The following KIAA0586 variants were observed in gnomAD, a reference collection of about 807,000 sequenced individuals.
KIAA0586 encodes the protein protein TALPID3.
In KIAA0586, 144 loss-of-function variants were observed where a neutral mutation model predicts 169.8. The observed-to-expected ratio is 0.85, with a 90% CI of 0.74 to 0.97. The LOEUF (loss-of-function observed/expected upper bound fraction) is 0.97. Ranked by LOEUF, KIAA0586 falls within the 50% of genes least tolerant of loss-of-function variation. KIAA0586 has a pLI of 0.00. For synonymous variants in KIAA0586, 625 were observed against 612.4 expected (o/e 1.02, Z -0.30); for missense variants, 1,854 against 1,823.0 (o/e 1.02, Z -0.31).
intron 29 of KIAA0586, among the ~76,000 whole-genome samples, chr14:58,516,289 A>G (rs1266026494): frequency 6.6e-6 from 1 of 152,148 alleles, no homozygotes; most frequent in Non-Finnish European, 1.5e-5. Flanking sequence ...GAAAGACAGG[A>G]TGCCCCACTT....
chr14:58,457,721 G>A (rs372376239), intron 10 of KIAA0586, 38 bp from the exon 11 acceptor site: 2 of 1,315,530 alleles, frequency 1.5e-6, no homozygotes, highest in Non-Finnish European at 2.1e-6. Context: ...AGGAATCGTT[G>A]TGAGTTTAGT....
chr14:58,482,107 C>T (rs962017273), intron 20 of KIAA0586, among the ~76,000 whole-genome samples: 3 of 151,886 alleles, frequency 2.0e-5, no homozygotes, highest in Non-Finnish European at 4.4e-5. Context: ...CCACCGTGCC[C>T]GGCCGGCATC....
chr14:58,524,852 A>T (rs546530489), intron 29 of KIAA0586, among the ~76,000 whole-genome samples: 8 of 152,260 alleles, frequency 5.3e-5, no homozygotes, highest in Admixed American at 4.6e-4. Flanking sequence ...AGTAGCTGGG[A>T]CTGCAGGTGC....
chr14:58,528,543 A>G (rs1301727173), intron 29 of KIAA0586, among the ~76,000 whole-genome samples: 2 of 152,252 alleles, frequency 1.3e-5, no homozygotes, highest in African/African-American at 4.8e-5. Flanking sequence ...ACTCAGGATT[A>G]ACAAACTCAC....
At position 58,488,105 on chromosome 14, in the gene KIAA0586, G is replaced by A. The variant is rs756274244; in HGVS notation, c.3523G>A (p.Ala1175Thr). ...NSPQEELHPR[A>T]IVMSVAKDEE... ...ACCTCAAGAAGAACTTCATCCAAGA[G>A]CTATGTAAATGAGAACATACTCACT... Residue 1175 changes from alanine to threonine, a missense_variant, in exon 23 of 31, where the codon GCT becomes ACT. Transcript: ENST00000652326. The A allele has an allele frequency of 3.8e-6, 6 of 1,589,234 alleles. No individual in the cohort carries two copies. The highest frequency in any genetic ancestry group is 4.3e-6 in the Non-Finnish European group (5 of 1,166,782).
intron 27 of KIAA0586, among the ~76,000 whole-genome samples, chr14:58,506,664 G>A (rs2043968951): frequency 6.6e-6 from 1 of 150,430 alleles, no homozygotes; most frequent in Non-Finnish European, 1.5e-5. Flanking sequence ...TCCAGCCTGG[G>A]TGAGTGAGTC....
intron 13 of KIAA0586, among the ~76,000 whole-genome samples, chr14:58,460,474 T>C (rs1348965809): frequency 6.6e-6 from 1 of 152,062 alleles, no homozygotes; most frequent in Non-Finnish European, 1.5e-5. Context: ...TACTAGATGG[T>C]ATGGAGGAAA....
chr14:58,544,098 T>G, intron 30 of KIAA0586: 1 of 295,356 alleles, frequency 3.4e-6, no homozygotes, highest in South Asian at 3.0e-5. Flanking sequence ...TAGTTCCCAC[T>G]TATAAGTGAG....
chr14:58,474,825 T>C (rs985101060), intron 19 of KIAA0586, 28 bp downstream of exon 19: 43 of 1,423,524 alleles, frequency 3.0e-5, no homozygotes, highest in Non-Finnish European at 4.1e-5. Context: ...TTGGTATGAA[T>C]AGAACCATAG....
At chr14:58,530,105 A>G (rs1219380929) in intron 29 of KIAA0586, among the ~76,000 whole-genome samples, 2 of 152,220 alleles carry the variant, frequency 1.3e-5, no homozygotes, top group African/African-American at 4.8e-5. Flanking sequence ...ACTGCTATAA[A>G]GAGAATAAGA....
intron 18 of KIAA0586, among the ~76,000 whole-genome samples, chr14:58,473,152 T>G (rs1399586371): frequency 6.6e-6 from 1 of 151,834 alleles, no homozygotes; most frequent in Non-Finnish European, 1.5e-5. Flanking sequence ...TGGACTTCAT[T>G]TTTCAATGGA....
At chr14:58,448,249 A>G (rs2039068613) in intron 6 of KIAA0586, 91 bp from the exon 7 acceptor site, 4 of 800,924 alleles carry the variant, frequency 5.0e-6, no homozygotes, top group Non-Finnish European at 7.8e-6. Flanking sequence ...GCAGTAAATT[A>G]TGTTTAACTC....
Position 58,465,887 on chromosome 14 carries a change from TAAG to T in KIAA0586, c.2117_2119del (p.Lys706del). ...AGACTGACTTCTATGCAACAAAACC[TAAG>T]AAGATGGATTCTAAAATGAAACATT... On this transcript the variant is annotated inframe_deletion, in exon 15 of 31. Coordinates refer to ENST00000652326, the MANE Select transcript of KIAA0586 (RefSeq NM_001329943.3). 2 of 1,612,954 alleles carry T rather than the reference TAAG, an allele frequency of 1.2e-6. No homozygotes were observed. The highest frequency in any genetic ancestry group is 1.7e-6 in the Non-Finnish European group (2 of 1,179,256).
chr14:58,558,594 C>T, the KIAA0586 span, among the ~76,000 whole-genome samples: 4 of 152,162 alleles, frequency 2.6e-5, no homozygotes, highest in African/African-American at 7.2e-5. Flanking sequence ...GCATATGAAA[C>T]AAGCAAGCAC....
intron 27 of KIAA0586, among the ~76,000 whole-genome samples, chr14:58,505,211 A>G (rs2043853546): frequency 6.6e-6 from 1 of 152,186 alleles, no homozygotes; most frequent in African/African-American, 2.4e-5. Context: ...ACTTAAGATC[A>G]TATCTTGCAC....
At chr14:58,502,178 C>T (rs1442106426) in intron 27 of KIAA0586, among the ~76,000 whole-genome samples, 2 of 152,066 alleles carry the variant, frequency 1.3e-5, no homozygotes, top group Non-Finnish European at 2.9e-5. Flanking sequence ...CTCTGTTGCC[C>T]AGGCTGGAGT....
In KIAA0586 at chr14:58,498,787, T is replaced by A; in HGVS notation, c.3995T>A (p.Leu1332Ter). Residue 1332 changes from leucine to a stop codon, truncating the protein, a stop_gained, in exon 27 of 31, where the codon TTG becomes TAG. Transcript: ENST00000652326. LOFTEE classifies it high-confidence loss of function. ...SQQAVYHSED[L>*]ENSVGELSEG... ...AATTGTTTCTGCTTTTTAAAGGACT[T>A]GGAAAACAGTGTGGGTGAACTTAGT... 5 of 1,590,518 alleles carry A rather than the reference T, an allele frequency of 3.1e-6. No individual in the cohort carries two copies. Among genetic ancestry groups the A allele is most frequent in the Non-Finnish European group, 4.3e-6 (5 of 1,171,956 alleles).
At chr14:58,499,351 C>T (rs1476702902) in intron 27 of KIAA0586, among the ~76,000 whole-genome samples, 2 of 152,010 alleles carry the variant, frequency 1.3e-5, no homozygotes, top group Non-Finnish European at 2.9e-5. Flanking sequence ...CTCCCGAGTT[C>T]ACCCCATTCT....
chr14:58,469,121 G>C (rs910582679), intron 16 of KIAA0586, among the ~76,000 whole-genome samples: 1 of 152,138 alleles, frequency 6.6e-6, no homozygotes, highest in Non-Finnish European at 1.5e-5. Flanking sequence ...CAACCCACCA[G>C]CCTGAGAGAT....
Sources: allele counts gnomAD v4.1 joint callset (sites outside exome capture counted in the v4.1 genomes callset), GRCh38; gene constraint gnomAD v4.1.1; transcripts MANE v1.5; gene names NCBI Gene and HGNC (gene_info 2026-07-23, HGNC 2026-07-21).